NRG1: variants seen among roughly 807,000 people sequenced by gnomAD.
NRG1 encodes the protein pro-neuregulin-1, membrane-bound isoform.
A neutral mutation model predicts 63.8 loss-of-function variants in NRG1; 18 were observed. The observed-to-expected ratio is 0.28, with a 90% CI of 0.19 to 0.42. The LOEUF (loss-of-function observed/expected upper bound fraction) is 0.42. Ranked by LOEUF, NRG1 falls within the 10% of genes least tolerant of loss-of-function variation. The pLI, the probability that NRG1 is intolerant of heterozygous loss-of-function variation, is 1.00. For missense variants in NRG1, 762 were observed against 814.7 expected (o/e 0.94, Z 0.79); for synonymous variants, 302 against 301.3 (o/e 1.00, Z -0.02).
At position 32,668,555 on chromosome 8, in the gene NRG1, G is replaced by C. The variant is rs775562045; in HGVS notation, c.502+51670G>C. On this transcript the variant is annotated intron_variant, in intron 5 of 11. Transcript: ENST00000356819. ...TTTCACCACACAGCTGTCTCACCCA[G>C]TATCTTGGAACTGTTTCTTGCTTCA... 1.4e-4 allele frequency among the ~76,000 whole-genome samples: 22 copies of C among 152,118 alleles called. 1 individual carries two copies. Among genetic ancestry groups the C allele is most frequent in the Non-Finnish European group, 2.8e-4 (19 of 68,012 alleles).
At chr8:32,678,765 G>A (rs1050945100) in intron 5 of NRG1, among the ~76,000 whole-genome samples, 1 of 152,166 alleles carries the variant, frequency 6.6e-6, no homozygotes, top group Non-Finnish European at 1.5e-5. Context: ...ATTACTTTAT[G>A]TGAAAGACAG....
intron 6 of NRG1, among the ~76,000 whole-genome samples, chr8:32,734,416 A>G (rs1824489424): frequency 6.6e-6 from 1 of 152,080 alleles, no homozygotes; most frequent in Non-Finnish European, 1.5e-5. Context: ...CTATAAGAAC[A>G]CACTTTTGTT....
intron 5 of NRG1, among the ~76,000 whole-genome samples, chr8:32,716,686 T>C (rs1564015341): frequency 6.6e-6 from 1 of 152,162 alleles, no homozygotes; most frequent in Non-Finnish European, 1.5e-5. Context: ...TAACCTTTGC[T>C]CTACTTTTCT....
chr8:31,813,840 A>C (rs1823176234), intron 1 of NRG1, among the ~76,000 whole-genome samples: 1 of 152,064 alleles, frequency 6.6e-6, no homozygotes, highest in Admixed American at 6.6e-5. Context: ...AATTTTCTTG[A>C]ATGCTTCAAT....
chr8:31,642,631 A>C (rs1803906333), intron 1 of NRG1, among the ~76,000 whole-genome samples: 1 of 152,212 alleles, frequency 6.6e-6, no homozygotes, highest in African/African-American at 2.4e-5. Context: ...AAAGAAATAT[A>C]ATACATAGTT....
At chr8:32,706,671 T>C (rs865962222) in intron 5 of NRG1, among the ~76,000 whole-genome samples, 1 of 152,186 alleles carries the variant, frequency 6.6e-6, no homozygotes, top group African/African-American at 2.4e-5. Context: ...CCTCTAATTA[T>C]GACACTGAGG....
intron 1 of NRG1, among the ~76,000 whole-genome samples, chr8:32,282,301 C>T (rs186641090): frequency 5.9e-5 from 9 of 152,310 alleles, no homozygotes; most frequent in Non-Finnish European, 8.8e-5. Flanking sequence ...AGACATTTTA[C>T]GTAGGACCTT....
At chr8:31,669,578 T>A (rs1806905372) in intron 1 of NRG1, among the ~76,000 whole-genome samples, 1 of 152,074 alleles carries the variant, frequency 6.6e-6, no homozygotes, top group Admixed American at 6.5e-5. Flanking sequence ...TGAAATAAGG[T>A]TTGTGTACAT....
intron 1 of NRG1, among the ~76,000 whole-genome samples, chr8:32,088,155 C>CCCTTCACATTAA (rs1828560360): frequency 6.6e-6 from 1 of 152,190 alleles, no homozygotes; most frequent in South Asian, 2.1e-4. Flanking sequence ...CTCATGATAG[C>CCCTTCACATTAA]CCTTCACAAA....
intron 1 of NRG1, among the ~76,000 whole-genome samples, chr8:32,401,605 G>A (rs1366019664): frequency 6.6e-6 from 1 of 152,140 alleles, no homozygotes; most frequent in Non-Finnish European, 1.5e-5. Flanking sequence ...GGAGCTGGAG[G>A]CCATTATCCT....
intron 1 of NRG1, among the ~76,000 whole-genome samples, chr8:32,162,024 T>C (rs1838886698): frequency 6.6e-6 from 1 of 152,200 alleles, no homozygotes; most frequent in African/African-American, 2.4e-5. Context: ...TGTGATGAGA[T>C]TGGTTCAAAA....
chr8:32,465,101 G>C (rs551406926), intron 1 of NRG1, among the ~76,000 whole-genome samples: 1 of 152,240 alleles, frequency 6.6e-6, no homozygotes, highest in South Asian at 2.1e-4. Context: ...CTTGAATCTG[G>C]GAGGCGGAGG....
chr8:32,127,187 T>TA (rs1834187770), intron 1 of NRG1, among the ~76,000 whole-genome samples: 1 of 151,936 alleles, frequency 6.6e-6, no homozygotes, highest in Non-Finnish European at 1.5e-5. Context: ...GACAAGTGGC[T>TA]AACCTGTTTT....
At chr8:32,450,271 A>T (rs1587721067) in intron 1 of NRG1, among the ~76,000 whole-genome samples, 1 of 152,172 alleles carries the variant, frequency 6.6e-6, no homozygotes, top group East Asian at 1.9e-4. Context: ...CAGGTGAAGT[A>T]GCAGCACCTA....
intron 1 of NRG1, among the ~76,000 whole-genome samples, chr8:31,902,062 G>C (rs1226603268): frequency 6.6e-6 from 1 of 152,106 alleles, no homozygotes; most frequent in African/African-American, 2.4e-5. Flanking sequence ...ACTAGTTAGA[G>C]TGTGTGGTTT....
At chr8:32,438,174 C>T (rs775713758) in intron 1 of NRG1, among the ~76,000 whole-genome samples, 9 of 152,140 alleles carry the variant, frequency 5.9e-5, no homozygotes, top group Non-Finnish European at 8.8e-5. Context: ...TTTGTAGCTA[C>T]GTCTACTTCC....
chr8:31,783,068 G>C (rs1022861911), intron 1 of NRG1, among the ~76,000 whole-genome samples: 2 of 152,120 alleles, frequency 1.3e-5, no homozygotes, highest in African/African-American at 4.8e-5. Context: ...ACTATGCATG[G>C]TTGTTCTGTA....
chr8:31,818,901 CA>C (rs569810645), intron 1 of NRG1, among the ~76,000 whole-genome samples: 1 of 151,994 alleles, frequency 6.6e-6, no homozygotes, highest in Non-Finnish European at 1.5e-5. Flanking sequence ...ACTAAAAATA[CA>C]AAAAAATAGC....
rs1413908984 is a variant in NRG1 at position 32,406,128 on chromosome 8, T to C, written c.38-189700T>C. ...CCAGTTCCTCAACTTACTGGCTCCA[T>C]GTTCATTCCTTCTTTGTCAAGCCCC... On this transcript the variant is annotated intron_variant, in intron 1 of 10. Coordinates refer to the NRG1 transcript ENST00000519301. Among the ~76,000 whole-genome samples, 7 of 152,220 alleles carry C rather than the reference T, an allele frequency of 4.6e-5. No individual in the cohort carries two copies. In the East Asian group the frequency reaches 1.3e-3, roughly 29 times the overall value.
Sources: gnomAD v4.1 joint callset for allele counts (sites outside exome capture counted in the v4.1 genomes callset) on GRCh38, gnomAD v4.1.1 for gene constraint, MANE v1.5 for transcripts, NCBI Gene and HGNC (gene_info 2026-07-23, HGNC 2026-07-21) for gene names.